Variants in TSPAN9 observed in about 807,000 individuals in gnomAD.
TSPAN9 encodes the protein tetraspanin-9.
In TSPAN9, 16 loss-of-function variants were observed where a neutral mutation model predicts 31.0. The ratio of observed to expected loss-of-function variants is 0.52; its 90% CI spans 0.35 to 0.78. The LOEUF is 0.78. Among genes scored for constraint, TSPAN9 ranks in the 30% least tolerant of loss-of-function variants. The pLI is 0.01. For synonymous variants in TSPAN9, 145 were observed against 121.6 expected (o/e 1.19, Z -1.27); for missense variants, 272 against 312.5 (o/e 0.87, Z 0.98).
At chr12:3,224,537 C>T (rs563431038) in intron 3 of TSPAN9, among the ~76,000 whole-genome samples, 67 of 152,342 alleles carry the variant, frequency 4.4e-4, no homozygotes, top group Non-Finnish European at 8.7e-4. Flanking sequence ...GCCTGGCTCC[C>T]GTTCAGGGTT....
chr12:3,119,144 A>G (rs1565582381), intron 2 of TSPAN9, among the ~76,000 whole-genome samples: 1 of 152,150 alleles, frequency 6.6e-6, no homozygotes, highest in African/African-American at 2.4e-5. Context: ...CCCTGACCCC[A>G]CACTGGACAA....
At chr12:3,238,537 A>AC in intron 3 of TSPAN9, among the ~76,000 whole-genome samples, 1 of 152,262 alleles carries the variant, frequency 6.6e-6, no homozygotes. Context: ...TGGTCCTGTT[A>AC]CCCAGAAAAC....
chr12:3,281,600 G>C, intron 7 of TSPAN9, 134 bp from the exon 8 acceptor site: 7 of 1,167,766 alleles, frequency 6.0e-6, no homozygotes, highest in Non-Finnish European at 8.4e-6. Context: ...CAAGGGATGG[G>C]GACAGGGCTG....
At chr12:3,140,254 A>G (rs1426863415) in intron 2 of TSPAN9, among the ~76,000 whole-genome samples, 5 of 152,124 alleles carry the variant, frequency 3.3e-5, no homozygotes, top group Non-Finnish European at 7.4e-5. Flanking sequence ...AGTGTTTCCC[A>G]GGGGTAGCTC....
At chr12:3,174,833 C>A (rs12827626) in intron 2 of TSPAN9, among the ~76,000 whole-genome samples, 1 of 151,348 alleles carries the variant, frequency 6.6e-6, no homozygotes, top group Non-Finnish European at 1.5e-5. Context: ...CCTCCCGCCT[C>A]GGCCTCCCAA....
chr12:3,119,786 C>T (rs1341615881), intron 2 of TSPAN9, among the ~76,000 whole-genome samples: 2 of 152,118 alleles, frequency 1.3e-5, no homozygotes, highest in Non-Finnish European at 2.9e-5. Flanking sequence ...GGCTTTTGCT[C>T]CTGTGGGGAG....
At chr12:3,086,077 C>T (rs936032329) in intron 2 of TSPAN9, among the ~76,000 whole-genome samples, 2 of 152,240 alleles carry the variant, frequency 1.3e-5, no homozygotes, top group Non-Finnish European at 2.9e-5. Context: ...TGCTGGACTC[C>T]AGCCCTGCAT....
intron 3 of TSPAN9, among the ~76,000 whole-genome samples, chr12:3,247,863 C>T (rs1033907947): frequency 1.3e-5 from 2 of 152,172 alleles, no homozygotes; most frequent in Non-Finnish European, 2.9e-5. Context: ...AGGAGGAGCT[C>T]CCCCACCATC....
intron 3 of TSPAN9, among the ~76,000 whole-genome samples, chr12:3,276,407 C>T (rs1862787786): frequency 6.6e-6 from 1 of 152,228 alleles, no homozygotes; most frequent in Non-Finnish European, 1.5e-5. Flanking sequence ...TGCTTTGTCT[C>T]CTACCATGTG....
chr12:3,117,487 A>AGT (rs67915381), intron 2 of TSPAN9, among the ~76,000 whole-genome samples: 48,452 of 151,564 alleles, frequency 0.32, 7,919 homozygotes, highest in Middle Eastern at 0.45. Flanking sequence ...GAGAAATCCA[A>AGT]GTGCTTAGCG....
chr12:3,193,663 G>C (rs1339583498), intron 2 of TSPAN9, among the ~76,000 whole-genome samples: 1 of 152,214 alleles, frequency 6.6e-6, no homozygotes, highest in Non-Finnish European at 1.5e-5. Flanking sequence ...GTTCACCAGA[G>C]ACTTGGAGCT....
chr12:3,120,851 G>T (rs1047065708), intron 2 of TSPAN9, among the ~76,000 whole-genome samples: 1 of 152,266 alleles, frequency 6.6e-6, no homozygotes, highest in Non-Finnish European at 1.5e-5. Flanking sequence ...CACTTCCCTT[G>T]GGGGAGCTAC....
At chr12:3,236,065 G>C (rs985252065) in intron 3 of TSPAN9, among the ~76,000 whole-genome samples, 1 of 152,236 alleles carries the variant, frequency 6.6e-6, no homozygotes, top group East Asian at 1.9e-4. Context: ...CTAGGGGCAG[G>C]CTCTGCTGTT....
At chr12:3,265,542 G>A (rs529666900) in intron 3 of TSPAN9, among the ~76,000 whole-genome samples, 1 of 152,170 alleles carries the variant, frequency 6.6e-6, no homozygotes, top group Non-Finnish European at 1.5e-5. Flanking sequence ...GAGAGTGGTG[G>A]AGCCAACAGC....
At chr12:3,149,641 GT>G (rs2098338906) in intron 2 of TSPAN9, among the ~76,000 whole-genome samples, 1 of 151,890 alleles carries the variant, frequency 6.6e-6, no homozygotes, top group Non-Finnish European at 1.5e-5. Context: ...CACTTATTTT[GT>G]TTTTATTCTG....
intron 3 of TSPAN9, among the ~76,000 whole-genome samples, chr12:3,223,090 G>C (rs192726593): frequency 6.6e-6 from 1 of 152,204 alleles, no homozygotes; most frequent in African/African-American, 2.4e-5. Context: ...CATCAGTGCC[G>C]TTGCCTCTAT....
chr12:3,279,012 C>T lies in TSPAN9; in HGVS notation c.276C>T (p.Val92=), dbSNP rs1299167539. The change falls in exon 5 of 9, where the codon GTC becomes GTT. Residue 92 remains valine (V), a synonymous_variant. Coordinates refer to ENST00000011898, the MANE Select transcript of TSPAN9 (RefSeq NM_006675.5). The part of the protein sequence containing the change: ...LLLSFFIVLL[V]ILLAELILLI... ...TCCAGTTTTTCATCGTCCTGTTGGTCATCCTCCTAGCAGAGCTGATCTTAC... is the reference window on the plus strand; with the variant it reads ...TCCAGTTTTTCATCGTCCTGTTGGTTATCCTCCTAGCAGAGCTGATCTTAC... The T allele has an allele frequency of 2.5e-6, 4 of 1,614,150 alleles. No individual in the cohort carries two copies. Among genetic ancestry groups the T allele is most frequent in the Admixed American group, 3.3e-5 (2 of 60,026 alleles).
At chr12:3,179,670 T>A (rs899822336) in intron 2 of TSPAN9, among the ~76,000 whole-genome samples, 9 of 152,194 alleles carry the variant, frequency 5.9e-5, no homozygotes, top group African/African-American at 2.2e-4. Context: ...TGCATTTTTT[T>A]AAACCAACAT....
At chr12:3,214,793 GC>G (rs1565616864) in intron 3 of TSPAN9, among the ~76,000 whole-genome samples, 1 of 151,972 alleles carries the variant, frequency 6.6e-6, no homozygotes, top group Non-Finnish European at 1.5e-5. Flanking sequence ...CAGAACTGTC[GC>G]GGCTCCTTCC....
Sources: allele counts gnomAD v4.1 joint callset (sites outside exome capture counted in the v4.1 genomes callset), GRCh38; gene constraint gnomAD v4.1.1; transcripts MANE v1.5; gene names NCBI Gene and HGNC (gene_info 2026-07-23, HGNC 2026-07-21).